PLXNA4: variants seen among roughly 807,000 people sequenced by gnomAD.
The protein encoded by PLXNA4 is plexin-A4.
In PLXNA4, 44 loss-of-function variants were observed where a neutral mutation model predicts 191.8. That is an observed-to-expected ratio of 0.23 (90% CI 0.18 to 0.29). The LOEUF is 0.29. Ranked by LOEUF, PLXNA4 falls within the 10% of genes least tolerant of loss-of-function variation. The probability of loss-of-function intolerance (pLI) is 1.00; values close to 1 mark genes in which losing one functional copy is unlikely to be tolerated. For missense variants in PLXNA4, 1,800 were observed against 2,488.8 expected, an observed-to-expected ratio of 0.72 and a Z score of 5.89; for synonymous variants, 1,082 against 1,009.5, an observed-to-expected ratio of 1.07 and a Z score of -1.36.
chr7:132,626,815 T>C (rs981793438), intron 2 of PLXNA4, among the ~76,000 whole-genome samples: 19 of 152,160 alleles, frequency 1.2e-4, no homozygotes, highest in African/African-American at 4.3e-4. Context: ...TCAAGGTGCA[T>C]GCATCTCAGC....
At chr7:132,509,929 C>A (rs754135604) in intron 1 of PLXNA4, among the ~76,000 whole-genome samples, 10 of 152,208 alleles carry the variant, frequency 6.6e-5, no homozygotes, top group Non-Finnish European at 1.0e-4. Flanking sequence ...TTGGCTTCCT[C>A]CCCTAGCAGG....
At chr7:132,513,026 C>T (rs1301518756) in intron 1 of PLXNA4, among the ~76,000 whole-genome samples, 1 of 152,148 alleles carries the variant, frequency 6.6e-6, no homozygotes, top group Non-Finnish European at 1.5e-5. Flanking sequence ...ACTGAAAGAC[C>T]CCGTAACCCA....
chr7:132,195,627 TG>T (rs1797232568), intron 13 of PLXNA4, among the ~76,000 whole-genome samples: 1 of 152,098 alleles, frequency 6.6e-6, no homozygotes, highest in Non-Finnish European at 1.5e-5. Flanking sequence ...TCCAATATAA[TG>T]GGGGAAAAAA....
chr7:132,440,410 C>T (rs1795652593), intron 3 of PLXNA4, among the ~76,000 whole-genome samples: 2 of 152,228 alleles, frequency 1.3e-5, no homozygotes, highest in Admixed American at 6.5e-5. Context: ...GGGCTGCTGT[C>T]TTCAAACTAA....
chr7:132,516,287 T>A (rs1307999401), intron 1 of PLXNA4, among the ~76,000 whole-genome samples: 1 of 152,068 alleles, frequency 6.6e-6, no homozygotes, highest in Admixed American at 6.6e-5. Context: ...AAGCTCTTTT[T>A]TAATTTTTAT....
chr7:132,403,483 T>A (rs1794080081), intron 3 of PLXNA4, among the ~76,000 whole-genome samples: 1 of 152,224 alleles, frequency 6.6e-6, no homozygotes, highest in Non-Finnish European at 1.5e-5. Context: ...GTAACCCTGA[T>A]GACACCTGAA....
At chr7:132,479,274 GAA>G (rs11310613) in intron 3 of PLXNA4, among the ~76,000 whole-genome samples, 41 of 141,990 alleles carry the variant, frequency 2.9e-4, no homozygotes, top group Middle Eastern at 3.7e-3. Context: ...ATCTCTTTGG[GAA>G]AAAAAAAAAA....
intron 3 of PLXNA4, chr7:132,366,058 G>A (rs898144965): frequency 3.9e-5 from 6 of 152,186 alleles, no homozygotes; most frequent in East Asian, 1.9e-4. Context: ...TCATGAAGCC[G>A]GGGATGGTGG....
rs533533812 is a variant in PLXNA4, at chr7:132,382,373, T to C, written c.1372-84151A>G. Among the ~76,000 whole-genome samples, 5 of 152,236 alleles carry C rather than the reference T, an allele frequency of 3.3e-5. No individual in the cohort carries two copies. In the East Asian group the frequency reaches 9.7e-4, roughly 30 times the overall value. On this transcript the variant is annotated intron_variant, in intron 3 of 31. Coordinates refer to ENST00000321063, the MANE Select transcript of PLXNA4 (RefSeq NM_020911.2). ...GTGTAGACACAAAAATCACAGCCCC[T>C]GCTGCTGCTGCCTTCAGGCTGTCAT...
chr7:132,240,524 C>T (rs1443600917), intron 5 of PLXNA4, among the ~76,000 whole-genome samples: 4 of 152,212 alleles, frequency 2.6e-5, no homozygotes, highest in Admixed American at 2.6e-4. Context: ...TGTTTGGCAG[C>T]AGTGGGAGGG....
At chr7:132,283,430 T>C (rs1370444191) in intron 4 of PLXNA4, among the ~76,000 whole-genome samples, 1 of 152,184 alleles carries the variant, frequency 6.6e-6, no homozygotes, top group Non-Finnish European at 1.5e-5. Flanking sequence ...GATAGAGAGA[T>C]ACGATCCTGG....
chr7:132,379,146 C>T lies in PLXNA4; in HGVS notation c.1372-80924G>A, dbSNP rs73726015. Among the ~76,000 whole-genome samples the T allele has an allele frequency of 7.1e-3, 1,075 of 152,242 alleles. 13 individuals are homozygous for T. Among genetic ancestry groups the T allele is most frequent in the African/African-American group, 0.024 (991 of 41,538 alleles). ...GATTACAGGCATGAGCAACCGTGCT[C>T]GGCCAGATCTTTTATTTATAACAGA... On this transcript the variant is annotated intron_variant, in intron 3 of 31. Coordinates refer to ENST00000321063, the MANE Select transcript of PLXNA4 (RefSeq NM_020911.2).
intron 1 of PLXNA4, among the ~76,000 whole-genome samples, chr7:132,509,478 C>T (rs1019594227): frequency 1.3e-5 from 2 of 152,144 alleles, no homozygotes; most frequent in African/African-American, 4.8e-5. Flanking sequence ...GGTAGACCTC[C>T]GAAGTACATC....
At chr7:132,144,201 G>A (rs181529997) in intron 29 of PLXNA4, among the ~76,000 whole-genome samples, 11 of 152,288 alleles carry the variant, frequency 7.2e-5, no homozygotes, top group Non-Finnish European at 1.0e-4. Flanking sequence ...TGGAAGCAAT[G>A]GGACAAAGGA....
At position 132,504,759 on chromosome 7, in the gene PLXNA4, G is replaced by A. The variant is rs184490412; in HGVS notation, c.1188+2747C>T. Among the ~76,000 whole-genome samples, 32 of 152,300 alleles carry A rather than the reference G, an allele frequency of 2.1e-4. No homozygotes were observed. The East Asian group carries it at 3.1e-3, about 15-fold the overall frequency. ...AGGGCTCAAGGGAGTGTCAGACTCC[G>A]TGACAAGAGAGATCTCCAGAGTTCA... is the stretch of plus-strand genomic sequence containing the variant. On this transcript the variant is annotated intron_variant, in intron 2 of 31. Coordinates refer to ENST00000321063, the MANE Select transcript of PLXNA4 (RefSeq NM_020911.2).
In PLXNA4 at chr7:132,598,615, T is replaced by C. The variant is rs75139210; in HGVS notation, c.-87+47313A>G. 8.4e-3 allele frequency among the ~76,000 whole-genome samples: 1,276 copies of C among 152,336 alleles called. 24 individuals carry two copies. Among genetic ancestry groups the C allele is most frequent in the African/African-American group, 0.03 (1,235 of 41,572 alleles). On this transcript the variant is annotated intron_variant, in intron 2 of 4. Coordinates refer to the PLXNA4 transcript ENST00000378539. ...TACCTATTCATAACCTTTCCCTGTA[T>C]TTCATTTGGAGTTCTCATCGTTTGC... is the stretch of plus-strand genomic sequence containing the variant.
intron 25 of PLXNA4, 28 bp downstream of exon 25, chr7:132,159,445 A>G: frequency 1.2e-6 from 2 of 1,611,696 alleles, no homozygotes. Flanking sequence ...AGCCACAAGG[A>G]CAGCCCCTGG....
intron 2 of PLXNA4, among the ~76,000 whole-genome samples, chr7:132,621,261 TTTTTTTG>T (rs1803258900): frequency 2.0e-5 from 1 of 50,354 alleles, no homozygotes; most frequent in African/African-American, 5.5e-5. Flanking sequence ...TTTTTTTTGG[TTTTTTTG>T]TTTTTTTTTT....
In PLXNA4 at chr7:132,393,190, ACCC is replaced by A. The variant is rs747385813; in HGVS notation, c.1372-94971_1372-94969del. Among the ~76,000 whole-genome samples the A allele has an allele frequency of 6.2e-3, 590 of 95,168 alleles. 3 individuals are homozygous for A. Among genetic ancestry groups the A allele is most frequent in the Non-Finnish European group, 0.01 (505 of 48,184 alleles). The allele number at this position is 95,168 out of a possible 152,430, so 62.4% of individuals were successfully genotyped here. A position where few individuals can be genotyped will look rare whatever the true frequency, so the allele number is the denominator to read the frequency against. Reference sequence around the variant, plus strand: ...TCTATCAGCAACATTGACCCCCAACACCCCCCCCCACCACCACCACCACTGACC... The same window carrying A: ...TCTATCAGCAACATTGACCCCCAACACCCCCCACCACCACCACCACTGACC... On this transcript the variant is annotated intron_variant, in intron 3 of 31. Coordinates refer to ENST00000321063, the MANE Select transcript of PLXNA4 (RefSeq NM_020911.2).
Sources: allele counts gnomAD v4.1 joint callset (sites outside exome capture counted in the v4.1 genomes callset), GRCh38; gene constraint gnomAD v4.1.1; transcripts MANE v1.5; gene names NCBI Gene and HGNC (gene_info 2026-07-23, HGNC 2026-07-21).